Variants in ACACA observed in about 807,000 individuals in gnomAD.
The protein encoded by ACACA is acetyl-CoA carboxylase alpha.
A neutral mutation model predicts 296.1 loss-of-function variants in ACACA; 103 were observed. The observed-to-expected ratio is 0.35, with a 90% CI of 0.30 to 0.41. ACACA has a LOEUF of 0.41. ACACA is among the 10% of genes least tolerant of loss of function. The probability of loss-of-function intolerance (pLI) is 1.00; values close to 1 mark genes in which losing one functional copy is unlikely to be tolerated. For missense variants in ACACA, 1,554 were observed against 2,989.7 expected, an observed-to-expected ratio of 0.52 and a Z score of 11.20; for synonymous variants, 953 against 1,038.6, an observed-to-expected ratio of 0.92 and a Z score of 1.58.
At chr17:37,119,239 T>C (rs2074402902) in intron 50 of ACACA, among the ~76,000 whole-genome samples, 2 of 152,162 alleles carry the variant, frequency 1.3e-5, no homozygotes, top group African/African-American at 4.8e-5. Flanking sequence ...TCCTGGTATT[T>C]TGTTTATACA....
intron 41 of ACACA, among the ~76,000 whole-genome samples, chr17:37,172,441 A>G (rs997954954): frequency 5.9e-5 from 9 of 152,318 alleles, no homozygotes; most frequent in Middle Eastern, 3.4e-3. Flanking sequence ...AAGTAATTCC[A>G]TGGTAGGAAG....
chr17:37,388,594 C>T (rs1568092064), intron 1 of ACACA: 20 of 1,500,464 alleles, frequency 1.3e-5, no homozygotes, highest in Middle Eastern at 1.7e-4. Flanking sequence ...GCCAGAAGAA[C>T]TTCAGGTCAA....
At chr17:37,191,781 TTTTTC>T (rs1470308134) in intron 37 of ACACA, among the ~76,000 whole-genome samples, 2 of 152,168 alleles carry the variant, frequency 1.3e-5, no homozygotes, top group Non-Finnish European at 2.9e-5. Flanking sequence ...GTTTGTATGC[TTTTTC>T]TTTTCTTGAG....
intron 3 of ACACA, chr17:37,301,240 T>C (rs2083602660): frequency 9.3e-6 from 4 of 430,564 alleles, no homozygotes; most frequent in Non-Finnish European, 1.2e-5. Flanking sequence ...TAGAGATCTA[T>C]ATAGATCTTT....
intron 3 of ACACA, among the ~76,000 whole-genome samples, chr17:37,298,026 T>C (rs1437448258): frequency 6.6e-6 from 1 of 152,172 alleles, no homozygotes; most frequent in Non-Finnish European, 1.5e-5. Context: ...GGCAGGAATA[T>C]ATCTCCCTGC....
At chr17:37,344,085 TAA>T (rs1486072076) in intron 1 of ACACA, among the ~76,000 whole-genome samples, 1 of 149,576 alleles carries the variant, frequency 6.7e-6, no homozygotes, top group African/African-American at 2.5e-5. Flanking sequence ...AACAAAAAAA[TAA>T]AAAGATAAAA....
At chr17:37,239,493 A>T (rs1234711352) in intron 24 of ACACA, among the ~76,000 whole-genome samples, 3 of 152,200 alleles carry the variant, frequency 2.0e-5, no homozygotes, top group African/African-American at 4.8e-5. Flanking sequence ...TGCATGATGT[A>T]TCCTGCAGAT....
chr17:37,142,896 A>C (rs141918316), intron 45 of ACACA, among the ~76,000 whole-genome samples: 5 of 152,348 alleles, frequency 3.3e-5, no homozygotes, highest in Admixed American at 3.3e-4. Flanking sequence ...GCCTTCAAAG[A>C]ATCAGAAAGT....
intron 11 of ACACA, among the ~76,000 whole-genome samples, chr17:37,259,949 G>A (rs556535349): frequency 1.4e-5 from 2 of 147,092 alleles, no homozygotes; most frequent in South Asian, 2.2e-4. Flanking sequence ...GCACAATCTC[G>A]TGGCTCACTG....
At chr17:37,263,061 C>G (rs537498200) in intron 11 of ACACA, among the ~76,000 whole-genome samples, 1 of 152,254 alleles carries the variant, frequency 6.6e-6, no homozygotes, top group African/African-American at 2.4e-5. Flanking sequence ...ATCTTTATTA[C>G]AGCAGTTCAA....
intron 3 of ACACA, among the ~76,000 whole-genome samples, chr17:37,315,960 G>A (rs1184787491): frequency 6.6e-6 from 1 of 152,004 alleles, no homozygotes; most frequent in African/African-American, 2.4e-5. Context: ...ATTATTCCTT[G>A]GTCTTTCTGG....
At chr17:37,123,528 G>T (rs2074625644) in intron 48 of ACACA, among the ~76,000 whole-genome samples, 1 of 152,084 alleles carries the variant, frequency 6.6e-6, no homozygotes, top group African/African-American at 2.4e-5. Flanking sequence ...TTGGGGTTGG[G>T]GCTGGGATGG....
chr17:37,348,737 G>A (rs561272264), intron 1 of ACACA, among the ~76,000 whole-genome samples: 16 of 151,882 alleles, frequency 1.1e-4, no homozygotes, highest in African/African-American at 2.9e-4. Context: ...AGAGACGGGC[G>A]GATCACGAGA....
chr17:37,223,915 G>A lies in ACACA; in HGVS notation c.3475-314C>T, dbSNP rs564809368. Reference sequence around the variant, plus strand: ...CATTTATCTGAACTCTCTAAATATTGTCTTCACCAGGCATGGTGGCTCACA... The same window carrying A: ...CATTTATCTGAACTCTCTAAATATTATCTTCACCAGGCATGGTGGCTCACA... On this transcript the variant is annotated intron_variant, in intron 27 of 55. Coordinates refer to ENST00000616317, the MANE Select transcript of ACACA (RefSeq NM_198834.3). Among the ~76,000 whole-genome samples the A allele has an allele frequency of 3.1e-4, 47 of 152,264 alleles. No homozygotes were observed. In the South Asian group the frequency reaches 8.9e-3, roughly 29 times the overall value.
chr17:37,282,646 AC>A (rs983203533), intron 5 of ACACA, among the ~76,000 whole-genome samples: 9 of 152,312 alleles, frequency 5.9e-5, no homozygotes, highest in African/African-American at 2.2e-4. Flanking sequence ...AAGTAAAAAA[AC>A]ATAGCTCTTC....
At chr17:37,354,212 A>G (rs2049031459) in intron 1 of ACACA, among the ~76,000 whole-genome samples, 1 of 152,216 alleles carries the variant, frequency 6.6e-6, no homozygotes, top group South Asian at 2.1e-4. Context: ...AATGGTAAAC[A>G]TTATTGTGGT....
chr17:37,260,273 TATATATATATATATATATA>T (rs2081409151), intron 11 of ACACA, among the ~76,000 whole-genome samples: 1 of 28,118 alleles, frequency 3.6e-5, no homozygotes, highest in Non-Finnish European at 5.8e-5. Context: ...TATATATATA[TATATATATATATATATATA>T]TATATTTTTT....
intron 6 of ACACA, 143 bp downstream of exon 6, chr17:37,277,753 A>T: frequency 6.0e-6 from 4 of 667,448 alleles, no homozygotes; most frequent in Non-Finnish European, 1.1e-5. Context: ...TCTTTTCCTT[A>T]TTTGGTTTAG....
chr17:37,363,179 C>CT (rs902746004), intron 1 of ACACA, among the ~76,000 whole-genome samples: 3,401 of 72,800 alleles, frequency 0.047, 204 homozygotes, highest in Non-Finnish European at 0.051. Flanking sequence ...TTCTCTTTTT[C>CT]TTTTTTTTTT....
Sources: allele counts gnomAD v4.1 joint callset (sites outside exome capture counted in the v4.1 genomes callset), GRCh38; gene constraint gnomAD v4.1.1; transcripts MANE v1.5; gene names NCBI Gene and HGNC (gene_info 2026-07-23, HGNC 2026-07-21).